The following CSMD1 variants were observed in gnomAD, a reference collection of about 807,000 sequenced individuals.
The protein encoded by CSMD1 is CUB and Sushi multiple domains 1.
CSMD1 carries 213 observed loss-of-function variants against 417.5 expected under a neutral mutation model. That is an observed-to-expected ratio of 0.51 (90% CI 0.46 to 0.57). CSMD1 has a LOEUF of 0.57. Among genes scored for constraint, CSMD1 ranks in the 20% least tolerant of loss-of-function variants. The probability of loss-of-function intolerance (pLI) is 0.00; values close to 1 mark genes in which losing one functional copy is unlikely to be tolerated. For missense variants in CSMD1, 6,923 were observed against 4,529.7 expected (o/e 1.53, Z -15.17); for synonymous variants, 2,862 against 1,736.8 (o/e 1.65, Z -16.11).
chr8:3,100,111 G>A (rs1815623576), intron 46 of CSMD1, among the ~76,000 whole-genome samples: 1 of 152,028 alleles, frequency 6.6e-6, no homozygotes, highest in Non-Finnish European at 1.5e-5. Context: ...GAGGGCAGTG[G>A]CAGGATCACG....
chr8:4,725,389 T>A (rs894774261), intron 1 of CSMD1, among the ~76,000 whole-genome samples: 1 of 152,178 alleles, frequency 6.6e-6, no homozygotes, highest in Non-Finnish European at 1.5e-5. Context: ...GTTTTGCTTG[T>A]GAAAGCGCAA....
chr8:3,969,558 C>G (rs553316012), intron 5 of CSMD1, among the ~76,000 whole-genome samples: 7 of 152,072 alleles, frequency 4.6e-5, no homozygotes, highest in Non-Finnish European at 1.0e-4. Context: ...AAATCCACAT[C>G]AGAAAATAGG....
intron 3 of CSMD1, among the ~76,000 whole-genome samples, chr8:4,386,515 C>G (rs1282358468): frequency 1.3e-5 from 2 of 152,252 alleles, no homozygotes; most frequent in Non-Finnish European, 2.9e-5. Context: ...AATCCCATTG[C>G]TTGTCTAACT....
At chr8:3,285,251 C>T (rs777310381) in intron 25 of CSMD1, among the ~76,000 whole-genome samples, 2 of 152,142 alleles carry the variant, frequency 1.3e-5, no homozygotes, top group African/African-American at 2.4e-5. Flanking sequence ...TTAAAGAAAA[C>T]ACTTATGTCA....
intron 3 of CSMD1, among the ~76,000 whole-genome samples, chr8:4,072,180 G>A (rs938823914): frequency 2.0e-4 from 31 of 152,104 alleles, no homozygotes; most frequent in Admixed American, 1.8e-3. Context: ...CTAGTTTCCA[G>A]GTGTTTTTCT....
chr8:3,751,461 A>C (rs910024650), intron 6 of CSMD1, among the ~76,000 whole-genome samples: 10 of 148,388 alleles, frequency 6.7e-5, no homozygotes, highest in African/African-American at 2.4e-4. Context: ...GTTTATACTT[A>C]AATATATAAT....
intron 3 of CSMD1, among the ~76,000 whole-genome samples, chr8:4,164,607 G>C (rs1055222096): frequency 1.3e-5 from 2 of 152,064 alleles, no homozygotes; most frequent in Admixed American, 6.6e-5. Context: ...ATTTATTTAG[G>C]TACCTTATTG....
At chr8:4,581,996 T>C (rs563328141) in intron 2 of CSMD1, among the ~76,000 whole-genome samples, 1 of 152,032 alleles carries the variant, frequency 6.6e-6, no homozygotes, top group African/African-American at 2.4e-5. Context: ...GGCTAAAATC[T>C]CAGTAGCCTA....
rs908134197 is a variant in CSMD1, at chr8:4,878,503, A to T, written c.85+115829T>A. ...GCATAGAATCATGATGATGATGATG[A>T]TGATGATTTTTATTATTATTCAGAA... On this transcript the variant is annotated intron_variant, in intron 1 of 69. Coordinates refer to ENST00000635120, the MANE Select transcript of CSMD1 (RefSeq NM_033225.6). 4.6e-5 allele frequency among the ~76,000 whole-genome samples: 7 copies of T among 151,986 alleles called. No homozygotes were observed. The Middle Eastern group carries it at 0.021, about 446-fold the overall frequency.
At chr8:3,407,097 G>A (rs147962300) in intron 14 of CSMD1, among the ~76,000 whole-genome samples, 1 of 152,042 alleles carries the variant, frequency 6.6e-6, no homozygotes, top group African/African-American at 2.4e-5. Context: ...ATGAATGGAG[G>A]GATGGATGGA....
At chr8:4,832,370 T>C (rs1056290535) in intron 1 of CSMD1, among the ~76,000 whole-genome samples, 2 of 152,166 alleles carry the variant, frequency 1.3e-5, no homozygotes, top group Non-Finnish European at 2.9e-5. Flanking sequence ...GGCAATGAAC[T>C]TGACACATGA....
At chr8:4,243,874 G>A (rs1015752477) in intron 3 of CSMD1, among the ~76,000 whole-genome samples, 1 of 152,134 alleles carries the variant, frequency 6.6e-6, no homozygotes, top group Non-Finnish European at 1.5e-5. Flanking sequence ...CTTGATTTGT[G>A]GTTCCTGTTT....
intron 11 of CSMD1, among the ~76,000 whole-genome samples, chr8:3,491,172 C>G (rs903812032): frequency 2.0e-5 from 3 of 152,062 alleles, no homozygotes; most frequent in African/African-American, 4.8e-5. Flanking sequence ...AAAAGACTGT[C>G]AAAGGGAACC....
chr8:4,594,767 C>A (rs1800167318), intron 2 of CSMD1, among the ~76,000 whole-genome samples: 1 of 152,126 alleles, frequency 6.6e-6, no homozygotes, highest in Non-Finnish European at 1.5e-5. Flanking sequence ...TCCCCAGGCT[C>A]TAAGCTATTT....
At chr8:3,639,569 C>T (rs1299168596) in intron 7 of CSMD1, among the ~76,000 whole-genome samples, 3 of 152,216 alleles carry the variant, frequency 2.0e-5, no homozygotes, top group East Asian at 3.9e-4. Flanking sequence ...CTCAACCAGA[C>T]CATCCAGAAG....
At chr8:4,000,204 C>T (rs1180601089) in intron 4 of CSMD1, among the ~76,000 whole-genome samples, 1 of 150,664 alleles carries the variant, frequency 6.6e-6, no homozygotes, top group Non-Finnish European at 1.5e-5. Flanking sequence ...TTATTACATT[C>T]TTGGGAACAG....
At chr8:3,605,152 T>G (rs1801549447) in intron 8 of CSMD1, among the ~76,000 whole-genome samples, 1 of 152,156 alleles carries the variant, frequency 6.6e-6, no homozygotes, top group African/African-American at 2.4e-5. Context: ...ATGCCATGTC[T>G]GGCTAATTTT....
At chr8:4,755,211 C>T (rs1169048576) in intron 1 of CSMD1, among the ~76,000 whole-genome samples, 1 of 152,172 alleles carries the variant, frequency 6.6e-6, no homozygotes. Flanking sequence ...AATCTCATGT[C>T]CACGCAGTAT....
intron 7 of CSMD1, among the ~76,000 whole-genome samples, chr8:3,644,275 A>T (rs1191455997): frequency 6.6e-6 from 1 of 152,198 alleles, no homozygotes. Context: ...GCTGTTAGAG[A>T]ATTTAAACAA....
Sources: allele counts gnomAD v4.1 joint callset (sites outside exome capture counted in the v4.1 genomes callset), GRCh38; gene constraint gnomAD v4.1.1; transcripts MANE v1.5; gene names NCBI Gene and HGNC (gene_info 2026-07-23, HGNC 2026-07-21).